LUZP1: variants seen among roughly 807,000 people sequenced by gnomAD.
LUZP1 encodes the protein leucine zipper protein 1.
A neutral mutation model predicts 71.3 loss-of-function variants in LUZP1; 25 were observed. The observed-to-expected ratio is 0.35, with a 90% CI of 0.26 to 0.49. The LOEUF is 0.49. Ranked by LOEUF, LUZP1 falls within the 20% of genes least tolerant of loss-of-function variation. The pLI is 0.99. For missense variants in LUZP1, 1,142 were observed against 1,300.8 expected (o/e 0.88, Z 1.88); for synonymous variants, 481 against 506.4 (o/e 0.95, Z 0.67).
chr1:23,173,350 C>CTTTTTTTTTTTTTT (rs869169060), intron 1 of LUZP1, among the ~76,000 whole-genome samples: 17 of 80,366 alleles, frequency 2.1e-4, no homozygotes, highest in Non-Finnish European at 3.1e-4. Flanking sequence ...TTTGTTTTTT[C>CTTTTTTTTTTTTTT]TTTTTTTTTT....
chr1:23,161,778 C>T (rs901712386), intron 2 of LUZP1, among the ~76,000 whole-genome samples: 2 of 152,000 alleles, frequency 1.3e-5, no homozygotes, highest in Non-Finnish European at 2.9e-5. Context: ...AATCCCAGCA[C>T]CTTGGGAGGC....
intron 2 of LUZP1, among the ~76,000 whole-genome samples, chr1:23,158,382 G>C (rs1041296484): frequency 6.6e-6 from 1 of 152,188 alleles, no homozygotes; most frequent in Admixed American, 6.5e-5. Flanking sequence ...TAGGCGCAGT[G>C]GCTCACGCCT....
intron 2 of LUZP1, among the ~76,000 whole-genome samples, chr1:23,165,530 G>A (rs777938452): frequency 6.6e-6 from 1 of 151,856 alleles, no homozygotes; most frequent in Non-Finnish European, 1.5e-5. Flanking sequence ...AAAAAAGTTA[G>A]CCAGGCATGG....
At chr1:23,150,582 G>A (rs1271418943) in intron 2 of LUZP1, among the ~76,000 whole-genome samples, 1 of 152,166 alleles carries the variant, frequency 6.6e-6, no homozygotes, top group Non-Finnish European at 1.5e-5. Context: ...CAAGAATGAG[G>A]TAGAAAAGAA....
At chr1:23,177,037 A>G (rs1644586327) in intron 1 of LUZP1, among the ~76,000 whole-genome samples, 2 of 147,860 alleles carry the variant, frequency 1.4e-5, no homozygotes, top group East Asian at 4.3e-4. Context: ...GTGTGCCACC[A>G]CGTCCAGTTA....
chr1:23,165,734 AC>A (rs1472401516), intron 2 of LUZP1, among the ~76,000 whole-genome samples: 1 of 152,142 alleles, frequency 6.6e-6, no homozygotes, highest in African/African-American at 2.4e-5. Flanking sequence ...AGTTTATACC[AC>A]ATCTTTCAGC....
At chr1:23,166,641 A>C (rs1211698910) in intron 2 of LUZP1, among the ~76,000 whole-genome samples, 1 of 128,750 alleles carries the variant, frequency 7.8e-6, no homozygotes, top group Non-Finnish European at 1.6e-5. Flanking sequence ...GGTGACACAG[A>C]GCACTCCGTC....
intron 2 of LUZP1, among the ~76,000 whole-genome samples, chr1:23,160,196 T>C (rs1221016754): frequency 1.3e-5 from 2 of 152,230 alleles, no homozygotes; most frequent in African/African-American, 4.8e-5. Context: ...AATTGGCTTA[T>C]AGAACATTCT....
chr1:23,089,375 C>T (rs981117413), intron 4 of LUZP1, among the ~76,000 whole-genome samples: 4 of 152,150 alleles, frequency 2.6e-5, no homozygotes, highest in African/African-American at 9.7e-5. Flanking sequence ...GAGGGGCCAG[C>T]AGTCTCCGAG....
intron 1 of LUZP1, among the ~76,000 whole-genome samples, chr1:23,172,507 T>A (rs1348067286): frequency 4.7e-5 from 7 of 150,506 alleles, no homozygotes; most frequent in Admixed American, 1.3e-4. Context: ...AAAAAAAAAT[T>A]TTTATTTTTT....
Position 23,088,054 on chromosome 1 carries a change from G to C in LUZP1, c.*841C>G, listed in dbSNP as rs1643792752. On this transcript the variant is annotated 3_prime_UTR_variant, in exon 5 of 5. Coordinates refer to ENST00000302291, the Ensembl canonical transcript of LUZP1. ...TGGGTCAGGCCCAGCTTAGCCTAGG[G>C]ATTTTCCCAAGGTGGAAACAATGAA... is the stretch of plus-strand genomic sequence containing the variant. The C allele has an allele frequency of 2.0e-5, 3 of 152,688 alleles. No homozygotes were observed. The South Asian group carries it at 6.2e-4, about 32-fold the overall frequency. 9.5% of individuals were successfully genotyped at this position (152,688 alleles called of 1,614,324 possible). A position where few individuals can be genotyped will look rare whatever the true frequency, so the allele number is the denominator to read the frequency against.
chr1:23,176,727 T>C (rs1448740584), intron 1 of LUZP1, among the ~76,000 whole-genome samples: 3 of 152,128 alleles, frequency 2.0e-5, no homozygotes, highest in African/African-American at 7.2e-5. Flanking sequence ...AGTAGAAAGA[T>C]CTGGGATCCT....
chr1:23,146,307 C>T (rs991546649), intron 2 of LUZP1, among the ~76,000 whole-genome samples: 3 of 152,210 alleles, frequency 2.0e-5, no homozygotes, highest in East Asian at 3.8e-4. Flanking sequence ...TGAGCCACCA[C>T]GCCCAGCCCA....
At chr1:23,159,894 A>C (rs1184383978) in intron 2 of LUZP1, among the ~76,000 whole-genome samples, 1 of 152,106 alleles carries the variant, frequency 6.6e-6, no homozygotes, top group African/African-American at 2.4e-5. Flanking sequence ...GCTGAGACAG[A>C]AGAATCGCTT....
chr1:23,135,553 G>A (rs1369733251), intron 2 of LUZP1, among the ~76,000 whole-genome samples: 1 of 152,162 alleles, frequency 6.6e-6, no homozygotes, highest in African/African-American at 2.4e-5. Flanking sequence ...TTAGGAACAG[G>A]CATGGTACTG....
At chr1:23,155,383 C>T (rs926210727) in intron 2 of LUZP1, among the ~76,000 whole-genome samples, 3 of 152,156 alleles carry the variant, frequency 2.0e-5, no homozygotes, top group African/African-American at 7.2e-5. Context: ...TGTGTTAAAA[C>T]AATGTAATGT....
At chr1:23,083,899 T>C (rs1380522290), downstream of LUZP1, 2 of 152,374 alleles carry the variant, frequency 1.3e-5, no homozygotes, top group South Asian at 2.1e-4. Context: ...GTGGACTTCC[T>C]GGTCAGTCGG....
intron 2 of LUZP1, among the ~76,000 whole-genome samples, chr1:23,158,647 CAAAAAAAAAAAAAA>C (rs56919514): frequency 0.048 from 2,881 of 60,136 alleles, 144 homozygotes; most frequent in African/African-American, 0.14. Flanking sequence ...GACTCTGTCT[CAAAAAAAAAAAAAA>C]AAAAAAAAAA....
intron 4 of LUZP1, chr1:23,090,737 A>C (rs1643839183): frequency 4.6e-6 from 3 of 649,172 alleles, no homozygotes; most frequent in Non-Finnish European, 8.3e-6. Flanking sequence ...AAGATCTGCT[A>C]ACTGAGGCGG....
Sources: gnomAD v4.1 joint callset for allele counts (sites outside exome capture counted in the v4.1 genomes callset) on GRCh38, gnomAD v4.1.1 for gene constraint, MANE v1.5 for transcripts, NCBI Gene and HGNC (gene_info 2026-07-23, HGNC 2026-07-21) for gene names.